Variants in RPS6KC1 observed in about 807,000 individuals in gnomAD.
RPS6KC1 encodes ribosomal protein S6 kinase C1.
RPS6KC1 carries 54 observed loss-of-function variants against 103.8 expected under a neutral mutation model. That is an observed-to-expected ratio of 0.52 (90% CI 0.42 to 0.65). The LOEUF is 0.65. Among genes scored for constraint, RPS6KC1 ranks in the 30% least tolerant of loss-of-function variants. The pLI is 0.00. For synonymous variants in RPS6KC1, 439 were observed against 438.7 expected, an observed-to-expected ratio of 1.00 and a Z score of -0.01; for missense variants, 1,151 against 1,253.8, an observed-to-expected ratio of 0.92 and a Z score of 1.24.
chr1:213,802,837 A>G, the RPS6KC1 span, among the ~76,000 whole-genome samples: 2 of 152,160 alleles, frequency 1.3e-5, no homozygotes, highest in Non-Finnish European at 2.9e-5. Context: ...CACTGTTGCA[A>G]TGTCTCCAGT....
At chr1:213,702,489 A>T in the RPS6KC1 span, among the ~76,000 whole-genome samples, 3 of 151,990 alleles carry the variant, frequency 2.0e-5, no homozygotes, top group Non-Finnish European at 4.4e-5. Context: ...TGTCTGGAAG[A>T]TCTGTCCAAT....
At chr1:213,627,164 A>C in the RPS6KC1 span, among the ~76,000 whole-genome samples, 1 of 152,056 alleles carries the variant, frequency 6.6e-6, no homozygotes, top group Non-Finnish European at 1.5e-5. Context: ...TTGGATTCCT[A>C]GGTATTTTAT....
chr1:213,422,014 A>AT, the RPS6KC1 span, among the ~76,000 whole-genome samples: 111 of 152,184 alleles, frequency 7.3e-4, no homozygotes, highest in African/African-American at 2.1e-3. Flanking sequence ...TTTTGGTATT[A>AT]TTTTTTATTG....
the RPS6KC1 span, among the ~76,000 whole-genome samples, chr1:213,405,477 A>C: frequency 6.6e-6 from 1 of 152,174 alleles, no homozygotes. Flanking sequence ...TGAGGACAGG[A>C]GTCAGTGCCT....
the RPS6KC1 span, among the ~76,000 whole-genome samples, chr1:213,597,386 G>A: frequency 6.6e-6 from 1 of 152,316 alleles, no homozygotes; most frequent in African/African-American, 2.4e-5. Context: ...GTCTAGGAGT[G>A]AGTGAAGTGG....
the RPS6KC1 span, among the ~76,000 whole-genome samples, chr1:213,405,030 G>T: frequency 6.6e-6 from 1 of 152,244 alleles, no homozygotes; most frequent in African/African-American, 2.4e-5. Context: ...TCCCTCTTTC[G>T]GCTCTATCTG....
the RPS6KC1 span, among the ~76,000 whole-genome samples, chr1:213,432,461 A>G: frequency 7.4e-4 from 113 of 152,364 alleles, no homozygotes; most frequent in African/African-American, 2.5e-3. Flanking sequence ...TTTGTTTAAC[A>G]GTTTTATTGG....
the RPS6KC1 span, among the ~76,000 whole-genome samples, chr1:213,562,659 C>T: frequency 0.55 from 83,105 of 151,164 alleles, 24,182 homozygotes; most frequent in Non-Finnish European, 0.64. Context: ...TCAGCCACTG[C>T]GCCTGGCCAA....
chr1:213,259,149 G>T (rs1359268472), intron 12 of RPS6KC1, among the ~76,000 whole-genome samples: 1 of 152,196 alleles, frequency 6.6e-6, no homozygotes, highest in Non-Finnish European at 1.5e-5. Context: ...GGTTTACGTA[G>T]TTTTTCTTCC....
At chr1:213,763,454 C>T in the RPS6KC1 span, among the ~76,000 whole-genome samples, 1 of 152,174 alleles carries the variant, frequency 6.6e-6, no homozygotes, top group Non-Finnish European at 1.5e-5. Flanking sequence ...CTCTAGTCTG[C>T]TGCTGCCAGG....
At chr1:213,840,939 A>C in the RPS6KC1 span, 1 of 152,300 alleles carries the variant, frequency 6.6e-6, no homozygotes, top group South Asian at 2.1e-4. Flanking sequence ...CCATTGAGAG[A>C]AAACTTTTTT....
intron 4 of RPS6KC1, among the ~76,000 whole-genome samples, chr1:213,106,163 C>A (rs2082468633): frequency 6.6e-6 from 1 of 151,924 alleles, no homozygotes; most frequent in Non-Finnish European, 1.5e-5. Flanking sequence ...TAACAGCGTG[C>A]TAGGCGGGAA....
chr1:213,441,562 A>G, the RPS6KC1 span, among the ~76,000 whole-genome samples: 108 of 152,330 alleles, frequency 7.1e-4, no homozygotes, highest in African/African-American at 2.5e-3. Flanking sequence ...TTGGGTGTAT[A>G]TACCACATTT....
the RPS6KC1 span, among the ~76,000 whole-genome samples, chr1:213,704,243 C>T: frequency 4.6e-5 from 7 of 151,172 alleles, no homozygotes; most frequent in Admixed American, 1.3e-4. Context: ...AAAAATTAGC[C>T]GGGCGAGGTG....
chr1:213,379,064 T>C, the RPS6KC1 span, among the ~76,000 whole-genome samples: 3 of 152,162 alleles, frequency 2.0e-5, no homozygotes, highest in Admixed American at 2.0e-4. Flanking sequence ...GATGGTCCTA[T>C]TGTTGTCTAA....
At chr1:213,838,439 C>A in the RPS6KC1 span, among the ~76,000 whole-genome samples, 1 of 152,026 alleles carries the variant, frequency 6.6e-6, no homozygotes, top group Non-Finnish European at 1.5e-5. Flanking sequence ...TTTCCCTGAG[C>A]AAAGAAGTGA....
At chr1:213,542,785 G>A in the RPS6KC1 span, among the ~76,000 whole-genome samples, 8 of 152,144 alleles carry the variant, frequency 5.3e-5, no homozygotes, top group East Asian at 1.3e-3. Flanking sequence ...ATATAATAGC[G>A]ATTATTTTGA....
chr1:213,474,765 A>G, the RPS6KC1 span, among the ~76,000 whole-genome samples: 1 of 152,186 alleles, frequency 6.6e-6, no homozygotes, highest in Non-Finnish European at 1.5e-5. Flanking sequence ...AAATGAGGCT[A>G]TTACAGACTC....
the RPS6KC1 span, among the ~76,000 whole-genome samples, chr1:213,614,618 C>T: frequency 0.061 from 9,250 of 152,242 alleles, 570 homozygotes; most frequent in East Asian, 0.27. Context: ...GGGCAGAAAT[C>T]ACTTCTTTAT....
Sources: allele counts gnomAD v4.1 joint callset (sites outside exome capture counted in the v4.1 genomes callset), GRCh38; gene constraint gnomAD v4.1.1; transcripts MANE v1.5; gene names NCBI Gene and HGNC (gene_info 2026-07-23, HGNC 2026-07-21).